Variants in ACSS1 observed in about 807,000 individuals in gnomAD.
The protein encoded by ACSS1 is acyl-CoA synthetase short chain family member 1, also known as acetyl-coenzyme A synthetase 2-like, mitochondrial.
In ACSS1, 42 loss-of-function variants were observed where a neutral mutation model predicts 75.3. That is an observed-to-expected ratio of 0.56 (90% CI 0.44 to 0.72). ACSS1 has a LOEUF of 0.72. Among genes scored for constraint, ACSS1 ranks in the 30% least tolerant of loss-of-function variants. The pLI, the probability that ACSS1 is intolerant of heterozygous loss-of-function variation, is 0.00. For missense variants in ACSS1, 782 were observed against 935.7 expected (o/e 0.84, Z 2.14); for synonymous variants, 380 against 376.8 (o/e 1.01, Z -0.10).
Position 25,007,372 on chromosome 20 carries a change from C to T in ACSS1, c.*390G>A. The T allele has an allele frequency of 9.1e-7, 1 of 1,096,050 alleles. No homozygotes were observed. Among genetic ancestry groups the T allele is most frequent in the Non-Finnish European group, 1.1e-6 (1 of 899,550 alleles). 67.9% of individuals were successfully genotyped at this position (1,096,050 alleles called of 1,614,324 possible). On this transcript the variant is annotated 3_prime_UTR_variant, in exon 14 of 14. Transcript: ENST00000323482. ...AAGATTTCTGACCTTTGTATCTAGA[C>T]AGATCTGGAGAAAACACGGTTGCTA...
chr20:25,050,754 A>G (rs1371105160), intron 1 of ACSS1, among the ~76,000 whole-genome samples: 1 of 152,008 alleles, frequency 6.6e-6, no homozygotes, highest in Admixed American at 6.5e-5. Context: ...TGACTGCCCA[A>G]CTTCAAACAG....
In ACSS1 at chr20:25,030,849, C is replaced by T; in HGVS notation, c.541G>A (p.Ala181Thr). The T allele has an allele frequency of 6.2e-7, 1 of 1,614,242 alleles. No individual in the cohort carries two copies. The highest frequency in any genetic ancestry group is 8.5e-7 in the Non-Finnish European group (1 of 1,180,038). Residue 181 changes from alanine to threonine, a missense_variant, in exon 3 of 14, where the codon GCA becomes ACA. Ala to Thr is a moderately conservative substitution (Grantham distance 58). This residue lies in a region of ACSS1 where 377 missense variants were observed against 383.1 expected (regional missense o/e 0.98). Transcript: ENST00000323482. Reference protein sequence around the residue: ...YMPVSPLAVAAMLACARIGAV... With the variant: ...YMPVSPLAVATMLACARIGAV... ...CCGATCCTGGCACAGGCCAGCATTG[C>T]TGCCACAGCCAATGGGGACACGGGC...
At chr20:25,032,416 T>C in intron 2 of ACSS1, 1 of 1,401,072 alleles carries the variant, frequency 7.1e-7, no homozygotes, top group Non-Finnish European at 9.3e-7. Context: ...CCCAAGGTTG[T>C]CTTTCCTTTC....
At chr20:25,033,220 A>C (rs2088856806) in intron 2 of ACSS1, among the ~76,000 whole-genome samples, 1 of 139,282 alleles carries the variant, frequency 7.2e-6, no homozygotes, top group Non-Finnish European at 1.6e-5. Context: ...GCTACCAGAG[A>C]TGAAGGCTTG....
intron 2 of ACSS1, among the ~76,000 whole-genome samples, chr20:25,047,852 A>G (rs528069589): frequency 6.6e-6 from 1 of 152,312 alleles, no homozygotes. Flanking sequence ...AGATGATTTT[A>G]TTTATTGTCC....
At chr20:25,024,774 C>G (rs2088686921) in intron 3 of ACSS1, among the ~76,000 whole-genome samples, 1 of 152,192 alleles carries the variant, frequency 6.6e-6, no homozygotes, top group African/African-American at 2.4e-5. Flanking sequence ...ACAGGCCCAC[C>G]CTTTCTCCTC....
chr20:25,012,191 C>T (rs1403849445), intron 12 of ACSS1: 4 of 276,220 alleles, frequency 1.4e-5, no homozygotes, highest in Non-Finnish European at 2.8e-5. Flanking sequence ...GGCACACACG[C>T]GTGGCGGCTG....
chr20:25,041,273 AAAC>A (rs1175694520), intron 2 of ACSS1, among the ~76,000 whole-genome samples: 9 of 148,514 alleles, frequency 6.1e-5, no homozygotes, highest in Non-Finnish European at 1.4e-4. Context: ...AAAAAAAAAA[AAAC>A]CTGTTAATTT....
intron 10 of ACSS1, among the ~76,000 whole-genome samples, chr20:25,013,172 A>G (rs2088446041): frequency 6.6e-6 from 1 of 152,210 alleles, no homozygotes; most frequent in African/African-American, 2.4e-5. Flanking sequence ...CTTCTCCAAA[A>G]CACTGAGTCT....
At chr20:25,013,841 G>T in intron 9 of ACSS1, 120 bp downstream of exon 9, 1 of 1,341,040 alleles carries the variant, frequency 7.5e-7, no homozygotes, top group Non-Finnish European at 1.0e-6. Context: ...AGTGAACGCT[G>T]CAAGGTCAGC....
chr20:25,007,546 T>C lies in ACSS1; in HGVS notation c.*216A>G. 2.2e-6 allele frequency: 3 copies of C among 1,386,794 alleles called. No homozygotes were observed. The highest frequency in any genetic ancestry group is 2.8e-6 in the Non-Finnish European group (3 of 1,072,212). 85.9% of individuals were successfully genotyped at this position (1,386,794 alleles called of 1,614,324 possible). ...CAGATGGCAGAACCAGCCCTAGCCA[T>C]GTCGCATAGCCTCTCCATGGGTGAC... On this transcript the variant is annotated 3_prime_UTR_variant, in exon 14 of 14. Coordinates refer to ENST00000323482, the MANE Select transcript of ACSS1 (RefSeq NM_032501.4).
chr20:25,058,118 G>T lies in ACSS1; in HGVS notation c.-16C>A. 1 of 1,242,406 alleles carries T rather than the reference G, an allele frequency of 8.0e-7. No individual in the cohort carries two copies. 77.0% of individuals were successfully genotyped at this position (1,242,406 alleles called of 1,614,324 possible). On this transcript the variant is annotated 5_prime_UTR_variant, in exon 1 of 14. Coordinates refer to ENST00000323482, the MANE Select transcript of ACSS1 (RefSeq NM_032501.4). ...GCGCCGCCATCTAGGCAGGCTACCTGAGCTCTCTGTGCTCCCAGAGTGGGT... is the reference window on the plus strand; with the variant it reads ...GCGCCGCCATCTAGGCAGGCTACCTTAGCTCTCTGTGCTCCCAGAGTGGGT...
At chr20:25,031,097 A>C in intron 2 of ACSS1, 139 bp from the exon 3 acceptor site, 4 of 837,102 alleles carry the variant, frequency 4.8e-6, no homozygotes, top group East Asian at 2.6e-5. Flanking sequence ...TGAATACTTA[A>C]TGCATGGAAA....
chr20:25,028,756 C>T (rs2088772699), intron 3 of ACSS1, among the ~76,000 whole-genome samples: 1 of 152,086 alleles, frequency 6.6e-6, no homozygotes, highest in Non-Finnish European at 1.5e-5. Context: ...CCTGTTTCTA[C>T]TAAAACTACA....
chr20:25,021,669 C>T, intron 5 of ACSS1, 133 bp from the exon 6 acceptor site: 1 of 1,132,540 alleles, frequency 8.8e-7, no homozygotes, highest in Non-Finnish European at 1.2e-6. Flanking sequence ...CAAATGGCCT[C>T]CAGCAGCAGG....
chr20:25,009,907 C>T (rs1600303545), intron 12 of ACSS1: 1 of 154,390 alleles, frequency 6.5e-6, no homozygotes, highest in Admixed American at 6.4e-5. Flanking sequence ...GCACCATGAG[C>T]AGCCAGAGGC....
intron 3 of ACSS1, among the ~76,000 whole-genome samples, chr20:25,026,851 C>T (rs186376570): frequency 6.6e-6 from 1 of 152,266 alleles, no homozygotes; most frequent in East Asian, 1.9e-4. Context: ...GAGTCATGGC[C>T]CCTGCCCTCC....
rs73346980 is a variant in ACSS1, at chr20:25,041,384, G to A, written c.431+6701C>T. On this transcript the variant is annotated intron_variant, in intron 2 of 13. Transcript: ENST00000323482. ...CTGACCCTGGGTTTAAGATGGCATGGAGGGTCTGCATAAGCTCACGGCTGG... is the reference window on the plus strand; with the variant it reads ...CTGACCCTGGGTTTAAGATGGCATGAAGGGTCTGCATAAGCTCACGGCTGG... 5.1e-3 allele frequency among the ~76,000 whole-genome samples: 770 copies of A among 152,336 alleles called. 4 individuals carry two copies. The highest frequency in any genetic ancestry group is 0.018 in the African/African-American group (756 of 41,572).
intron 7 of ACSS1, among the ~76,000 whole-genome samples, chr20:25,016,740 CG>C (rs985638588): frequency 7.1e-4 from 108 of 152,354 alleles, no homozygotes; most frequent in African/African-American, 2.5e-3. Flanking sequence ...CACCCAGCCA[CG>C]GGGCTGTGAC....
Sources: allele counts gnomAD v4.1 joint callset (sites outside exome capture counted in the v4.1 genomes callset), GRCh38; gene constraint gnomAD v4.1.1; regional missense constraint gnomAD v4.1.1; transcripts MANE v1.5; gene names NCBI Gene and HGNC (gene_info 2026-07-23, HGNC 2026-07-21).